Variants in LRRK1 observed in about 807,000 individuals in gnomAD.
The protein encoded by LRRK1 is leucine-rich repeat serine/threonine-protein kinase 1.
LRRK1 carries 113 observed loss-of-function variants against 209.1 expected under a neutral mutation model. The observed-to-expected ratio is 0.54, with a 90% CI of 0.46 to 0.63. The LOEUF is 0.63. Ranked by LOEUF, LRRK1 falls within the 30% of genes least tolerant of loss-of-function variation. The probability of loss-of-function intolerance (pLI) is 0.00; values close to 1 mark genes in which losing one functional copy is unlikely to be tolerated. For missense variants in LRRK1, 2,284 were observed against 2,632.2 expected (o/e 0.87, Z 2.89); for synonymous variants, 1,144 against 1,099.7 (o/e 1.04, Z -0.80).
intron 2 of LRRK1, among the ~76,000 whole-genome samples, chr15:100,955,240 C>A (rs1410095185): frequency 6.6e-6 from 1 of 152,020 alleles, no homozygotes; most frequent in Non-Finnish European, 1.5e-5. Flanking sequence ...TAAATTTACT[C>A]CTAAGTATTT....
rs374435312 is a variant in LRRK1, at chr15:101,015,322, C to G, written c.1533-4C>G. Reference sequence around the variant, plus strand: ...CAAATTTTGTCTCTTTTTCCTCCCCCCAGAAATGAAGATGGACTGAAAACG... The same window carrying G: ...CAAATTTTGTCTCTTTTTCCTCCCCGCAGAAATGAAGATGGACTGAAAACG... On this transcript the variant is annotated splice_region_variant and splice_polypyrimidine_tract_variant and intron_variant, in intron 11 of 33. Coordinates refer to ENST00000388948, the MANE Select transcript of LRRK1 (RefSeq NM_024652.6). 7.4e-6 allele frequency: 12 copies of G among 1,612,892 alleles called. No homozygotes were observed. Among genetic ancestry groups the G allele is most frequent in the African/African-American group, 2.7e-5 (2 of 74,856 alleles).
chr15:100,954,513 G>T (rs4965738), intron 2 of LRRK1, among the ~76,000 whole-genome samples: 118,916 of 152,108 alleles, frequency 0.78, 46,749 homozygotes, highest in East Asian at 0.97. Context: ...AATCCCATTT[G>T]TTTATTTGTG....
intron 2 of LRRK1, among the ~76,000 whole-genome samples, chr15:100,952,611 C>T (rs1450527191): frequency 1.1e-4 from 16 of 152,178 alleles, no homozygotes; most frequent in Non-Finnish European, 1.6e-4. Context: ...TTGTGGGGCC[C>T]TTCTCACAGG....
rs1304274213 is a variant in LRRK1 at position 100,924,675 on chromosome 15, G to T, written c.43G>T (p.Val15Leu). 6.2e-7 allele frequency: 1 copy of T among 1,614,192 alleles called. No individual in the cohort carries two copies. The highest frequency in any genetic ancestry group is 1.3e-5 in the African/African-American group (1 of 75,050). ...AAGACCCCCCAGCATGTACTGGTGT[G>T]TGGGGCCGGAGGAGTCAGCTGTGTG... ...SQRPPSMYWC[V>L]GPEESAVCPE... is the part of the protein sequence containing the mutation. The change falls in exon 2 of 34, where the codon GTG becomes TTG. Residue 15 changes from valine to leucine, a missense_variant. This residue lies in a region of LRRK1 where 174 missense variants were observed against 133.5 expected (regional missense o/e 1.30). Transcript: ENST00000388948.
Position 101,013,480 on chromosome 15 carries a change from G to A in LRRK1, c.1420-836G>A, listed in dbSNP as rs372976233. On this transcript the variant is annotated intron_variant, in intron 10 of 33. Coordinates refer to ENST00000388948, the MANE Select transcript of LRRK1 (RefSeq NM_024652.6). ...ATGATGGCTCAGACCTGGGCACGGC[G>A]ACTCAGAACCGTACTCCCAGCACTT... 1.2e-3 allele frequency among the ~76,000 whole-genome samples: 177 copies of A among 152,124 alleles called. 1 individual carries two copies. Among genetic ancestry groups the A allele is most frequent in the African/African-American group, 3.1e-3 (127 of 41,500 alleles).
intron 12 of LRRK1, among the ~76,000 whole-genome samples, chr15:101,020,284 A>G (rs764848604): frequency 4.6e-5 from 7 of 151,590 alleles, no homozygotes; most frequent in Non-Finnish European, 1.0e-4. Flanking sequence ...TGCATATAAC[A>G]TATACATGGT....
At chr15:100,920,088 CA>C (rs1383968117) in intron 1 of LRRK1, 1 of 152,626 alleles carries the variant, frequency 6.6e-6, no homozygotes, top group Non-Finnish European at 1.5e-5. Flanking sequence ...CTGCAAGCTA[CA>C]GGGGACCTTC....
In LRRK1 at chr15:101,057,507, C is replaced by T. The variant is rs150792224; in HGVS notation, c.4527+457C>T. On this transcript the variant is annotated intron_variant, in intron 28 of 33. Coordinates refer to ENST00000388948, the MANE Select transcript of LRRK1 (RefSeq NM_024652.6). ...GTTAAAACTCATTTATTAAATCAGA[C>T]AGAGCTAGTTTAATGTATGGGGAGT... 7.2e-5 allele frequency among the ~76,000 whole-genome samples: 11 copies of T among 152,266 alleles called. No homozygotes were observed. In the East Asian group the frequency reaches 1.7e-3, roughly 24 times the overall value.
chr15:101,049,516 C>T (rs1336885567), intron 22 of LRRK1, 128 bp from the exon 23 acceptor site: 13 of 1,042,794 alleles, frequency 1.2e-5, no homozygotes, highest in South Asian at 9.9e-5. Flanking sequence ...AGTCCCCCAT[C>T]GGTCCTGCAG....
chr15:101,054,897 T>TATCA, intron 26 of LRRK1, 49 bp from the exon 27 acceptor site: 1 of 1,451,472 alleles, frequency 6.9e-7, no homozygotes, highest in Non-Finnish European at 9.4e-7. Context: ...AATTTGATTC[T>TATCA]ATCAAAACTG....
Position 101,066,012 on chromosome 15 carries a change from C to G in LRRK1, c.5575C>G (p.Leu1859Val). The G allele has an allele frequency of 6.2e-7, 1 of 1,614,120 alleles. No individual in the cohort carries two copies. Among genetic ancestry groups the G allele is most frequent in the Non-Finnish European group, 8.5e-7 (1 of 1,180,002 alleles). Reference protein sequence around the residue: ...PRQAARSPSSLPSSPASSSSV... With the variant: ...PRQAARSPSSVPSSPASSSSV... ...CCAGGCTGCCAGGTCCCCCTCAAGC[C>G]TCCCCAGCTCCCCAGCAAGTTCTTC... is the stretch of plus-strand genomic sequence containing the variant. Residue 1859 changes from leucine to valine, a missense_variant, in exon 32 of 34, where the codon CTC (leucine) becomes GTC (valine). Leu to Val is a conservative substitution (Grantham distance 32, BLOSUM62 1). Coordinates refer to ENST00000388948, the MANE Select transcript of LRRK1 (RefSeq NM_024652.6).
At chr15:100,962,816 TATATA>T (rs1167840407) in intron 2 of LRRK1, among the ~76,000 whole-genome samples, 7 of 32,734 alleles carry the variant, frequency 2.1e-4, no homozygotes, top group African/African-American at 4.9e-4. Context: ...TATATATATA[TATATA>T]TATTTTTTTT....
intron 6 of LRRK1, among the ~76,000 whole-genome samples, chr15:101,004,692 C>A (rs2032860243): frequency 6.6e-6 from 1 of 152,166 alleles, no homozygotes; most frequent in Non-Finnish European, 1.5e-5. Flanking sequence ...CTGCGGCTTG[C>A]CCAGAGTCCA....
At chr15:100,975,846 A>G (rs1249413794) in intron 3 of LRRK1, among the ~76,000 whole-genome samples, 5 of 152,216 alleles carry the variant, frequency 3.3e-5, no homozygotes, top group Non-Finnish European at 7.3e-5. Context: ...AAATAATTTG[A>G]AAGTTTTGAA....
chr15:100,990,546 G>T (rs374280281), intron 6 of LRRK1, among the ~76,000 whole-genome samples: 12 of 152,114 alleles, frequency 7.9e-5, no homozygotes, highest in African/African-American at 2.9e-4. Context: ...TTTCATCAGT[G>T]TGAGGCAAAA....
chr15:100,985,386 CTG>C (rs1314854841), intron 4 of LRRK1, among the ~76,000 whole-genome samples: 1 of 152,184 alleles, frequency 6.6e-6, no homozygotes, highest in East Asian at 1.9e-4. Flanking sequence ...GTGCTGAAAA[CTG>C]TGTAGAACGT....
At chr15:101,056,420 G>A (rs944736351) in intron 27 of LRRK1, among the ~76,000 whole-genome samples, 1 of 150,260 alleles carries the variant, frequency 6.7e-6, no homozygotes, top group African/African-American at 2.4e-5. Context: ...TGGATGGAAG[G>A]ATGGATCGAT....
intron 4 of LRRK1, among the ~76,000 whole-genome samples, chr15:100,987,160 C>G: frequency 6.6e-6 from 1 of 152,176 alleles, no homozygotes; most frequent in Admixed American, 6.5e-5. Context: ...GGCACTGGCT[C>G]CAGCCTCAGC....
chr15:100,955,244 A>C lies in LRRK1; in HGVS notation c.98-18560A>C, dbSNP rs183708805. Among the ~76,000 whole-genome samples, 479 of 152,112 alleles carry C rather than the reference A, an allele frequency of 3.1e-3. 3 individuals are homozygous for C. Among genetic ancestry groups the C allele is most frequent in the African/African-American group, 0.011 (463 of 41,524 alleles). On this transcript the variant is annotated intron_variant, in intron 2 of 33. Coordinates refer to ENST00000388948, the MANE Select transcript of LRRK1 (RefSeq NM_024652.6). The stretch of plus-strand genomic sequence containing the variant: ...TGCTTCTTGGTTAAATTTACTCCTA[A>C]GTATTTTCTGTAGCTATTGTAAAAG...
Sources: allele counts gnomAD v4.1 joint callset (sites outside exome capture counted in the v4.1 genomes callset), GRCh38; gene constraint gnomAD v4.1.1; regional missense constraint gnomAD v4.1.1; transcripts MANE v1.5; gene names NCBI Gene and HGNC (gene_info 2026-07-23, HGNC 2026-07-21).